SCARB1: variants seen among roughly 807,000 people sequenced by gnomAD.
SCARB1 encodes scavenger receptor class B member 1.
SCARB1 carries 30 observed loss-of-function variants against 57.2 expected under a neutral mutation model. The observed-to-expected ratio is 0.52, with a 90% CI of 0.39 to 0.71. The LOEUF is 0.71. Ranked by LOEUF, SCARB1 falls within the 30% of genes least tolerant of loss-of-function variation. SCARB1 has a pLI of 0.00. For synonymous variants in SCARB1, 249 were observed against 268.3 expected (o/e 0.93, Z 0.70); for missense variants, 543 against 671.2 (o/e 0.81, Z 2.11).
At chr12:124,853,552 G>A (rs1952515211) in intron 1 of SCARB1, among the ~76,000 whole-genome samples, 2 of 151,896 alleles carry the variant, frequency 1.3e-5, no homozygotes, top group East Asian at 1.9e-4. Flanking sequence ...ATGCCACCAC[G>A]CCTGGCTAAT....
At chr12:124,811,766 AAAGG>A (rs1269533569) in intron 5 of SCARB1, 100 bp downstream of exon 5, 2 of 772,708 alleles carry the variant, frequency 2.6e-6, no homozygotes, top group African/African-American at 3.4e-5. Context: ...TCTTCACGAC[AAAGG>A]AAGAAGGAGC....
rs1476085403 is a variant in SCARB1, at chr12:124,777,788, T to A, written c.*799A>T. 6.6e-6 allele frequency: 1 copy of A among 152,332 alleles called. No individual in the cohort carries two copies. The highest frequency in any genetic ancestry group is 1.5e-5 in the Non-Finnish European group (1 of 68,198). 9.4% of individuals were successfully genotyped at this position (152,332 alleles called of 1,614,324 possible). On this transcript the variant is annotated 3_prime_UTR_variant, in exon 13 of 13. Transcript: ENST00000261693. ...GCCTCTTCACCTCAGCCTGGGCACC[T>A]ATAATCTGAGGGACCCTGTGAGGGG...
At chr12:124,799,967 C>T (rs1233905599) in intron 8 of SCARB1, among the ~76,000 whole-genome samples, 157 bp downstream of exon 8, 2 of 152,148 alleles carry the variant, frequency 1.3e-5, no homozygotes, top group South Asian at 2.1e-4. Flanking sequence ...ACTATGGAGT[C>T]GGGGTGAAGT....
Position 124,807,952 on chromosome 12 carries a change from G to A in SCARB1, c.843-25C>T. The A allele has an allele frequency of 1.2e-6, 2 of 1,613,266 alleles. No individual in the cohort carries two copies. Among genetic ancestry groups the A allele is most frequent in the Non-Finnish European group, 1.7e-6 (2 of 1,179,430 alleles). ...TCTGCAGGGGACAGACAGGATGAGA[G>A]GGGACACCCAGACCCGGCGGCCAGA... On this transcript the variant is annotated intron_variant, in intron 6 of 12. Coordinates refer to ENST00000261693, the MANE Select transcript of SCARB1 (RefSeq NM_005505.5). The surrounding 1 kb of genome is among the most constrained non-coding windows in gnomAD (Gnocchi z 5.3).
chr12:124,819,198 A>C (rs1950857784), intron 1 of SCARB1, among the ~76,000 whole-genome samples: 1 of 152,044 alleles, frequency 6.6e-6, no homozygotes, highest in African/African-American at 2.4e-5. Flanking sequence ...CCAAAATCAA[A>C]ACAGAAGGCA....
intron 1 of SCARB1, among the ~76,000 whole-genome samples, chr12:124,820,348 T>C (rs1234481770): frequency 6.6e-6 from 1 of 152,078 alleles, no homozygotes; most frequent in Non-Finnish European, 1.5e-5. Context: ...TGGAGAGAGA[T>C]TCAACCAATA....
intron 9 of SCARB1, among the ~76,000 whole-genome samples, chr12:124,794,773 A>G (rs915376999): frequency 3.4e-4 from 51 of 152,086 alleles, no homozygotes; most frequent in African/African-American, 1.2e-3. Context: ...TCTACTAAAA[A>G]TACCAAATTA....
chr12:124,830,154 A>C (rs890854571), intron 1 of SCARB1, among the ~76,000 whole-genome samples: 5 of 152,238 alleles, frequency 3.3e-5, no homozygotes. Context: ...GTGAGATCCC[A>C]TGCCATACAC....
Position 124,782,824 on chromosome 12 carries a change from C to G in SCARB1, c.1402-13G>C, listed in dbSNP as rs1443206061. On this transcript the variant is annotated splice_polypyrimidine_tract_variant and intron_variant, in intron 11 of 12. Coordinates refer to ENST00000261693, the MANE Select transcript of SCARB1 (RefSeq NM_005505.5). ...AATAGCATTTCTCCTAGAAGATAAC[C>G]AAGCTAATTTATAGTTGACGTTGAA... 1.9e-6 allele frequency: 3 copies of G among 1,613,812 alleles called. No individual in the cohort carries two copies. The highest frequency in any genetic ancestry group is 1.7e-5 in the Admixed American group (1 of 60,000).
At chr12:124,853,143 G>C (rs190276755) in intron 1 of SCARB1, among the ~76,000 whole-genome samples, 1 of 152,278 alleles carries the variant, frequency 6.6e-6, no homozygotes, top group East Asian at 1.9e-4. Context: ...AAACATAAAA[G>C]AGGAACCAAG....
At chr12:124,844,716 G>C (rs1449783276) in intron 1 of SCARB1, among the ~76,000 whole-genome samples, 2 of 152,112 alleles carry the variant, frequency 1.3e-5, no homozygotes, top group Non-Finnish European at 2.9e-5. Context: ...AGCCAGCCCT[G>C]CCAACATCCT....
Position 124,807,742 on chromosome 12 carries a change from C to G in SCARB1, c.1009+19G>C. 1 of 1,613,674 alleles carries G rather than the reference C, an allele frequency of 6.2e-7. No homozygotes were observed. The highest frequency in any genetic ancestry group is 8.5e-7 in the Non-Finnish European group (1 of 1,179,652). ...CCCTCACACCCTCCCGCCATCCCAGCACAGGGGACGGCACGTACTGAACCT... is the reference window on the plus strand; with the variant it reads ...CCCTCACACCCTCCCGCCATCCCAGGACAGGGGACGGCACGTACTGAACCT... On this transcript the variant is annotated intron_variant, in intron 7 of 12. Coordinates refer to ENST00000261693, the MANE Select transcript of SCARB1 (RefSeq NM_005505.5). The surrounding 1 kb of genome is among the most constrained non-coding windows in gnomAD (Gnocchi z 5.3).
chr12:124,779,360 C>T (rs1333043816), intron 12 of SCARB1, among the ~76,000 whole-genome samples: 2 of 152,194 alleles, frequency 1.3e-5, no homozygotes, highest in Non-Finnish European at 2.9e-5. Context: ...GATGCAGCTT[C>T]GGTCACATTC....
chr12:124,782,367 G>T lies in SCARB1; in HGVS notation c.*316C>A, dbSNP rs33990033. On this transcript the variant is annotated intron_variant, in intron 12 of 12. Coordinates refer to ENST00000261693, the MANE Select transcript of SCARB1 (RefSeq NM_005505.5). ...GCATTTCTAGCAGACTTCCCCAGGGGAGTCTATTGCACAAGAGATTCCAGA... is the reference window on the plus strand; with the variant it reads ...GCATTTCTAGCAGACTTCCCCAGGGTAGTCTATTGCACAAGAGATTCCAGA... Among the ~76,000 whole-genome samples, 4,709 of 152,262 alleles carry T rather than the reference G, an allele frequency of 0.031. 544 individuals carry two copies. In the East Asian group the frequency reaches 0.38, roughly 12 times the overall value.
chr12:124,863,548 A>C, intron 1 of SCARB1, 47 bp downstream of exon 1: 2 of 1,578,352 alleles, frequency 1.3e-6, no homozygotes, highest in Non-Finnish European at 1.7e-6. Flanking sequence ...CCCAGCGCCC[A>C]ACAGCCCGGG....
intron 1 of SCARB1, among the ~76,000 whole-genome samples, chr12:124,830,818 T>A (rs966865757): frequency 1.2e-4 from 18 of 152,008 alleles, no homozygotes; most frequent in Non-Finnish European, 2.4e-4. Flanking sequence ...GCAAAAAAAA[T>A]TTTTTCTTTT....
chr12:124,828,846 A>G (rs1308625043), intron 1 of SCARB1, among the ~76,000 whole-genome samples: 2 of 152,088 alleles, frequency 1.3e-5, no homozygotes, highest in Non-Finnish European at 2.9e-5. Flanking sequence ...CAAGAAACAC[A>G]CCTCTGACCA....
At position 124,791,274 on chromosome 12, in the gene SCARB1, G is replaced by A. The variant is rs144682172; in HGVS notation, c.1203-3817C>T. Reference sequence around the variant, plus strand: ...TTTTACCGTAATAAATCATAGCCACGTGTACAACCATATGCTTCGTCCTGA... The same window carrying A: ...TTTTACCGTAATAAATCATAGCCACATGTACAACCATATGCTTCGTCCTGA... On this transcript the variant is annotated intron_variant, in intron 9 of 12. Transcript: ENST00000261693. 5.3e-5 allele frequency among the ~76,000 whole-genome samples: 8 copies of A among 152,248 alleles called. 1 individual carries two copies. The highest frequency in any genetic ancestry group is 1.4e-4 in the African/African-American group (6 of 41,542).
intron 1 of SCARB1, among the ~76,000 whole-genome samples, chr12:124,850,083 A>G (rs1375784993): frequency 8.3e-6 from 1 of 120,756 alleles, no homozygotes; most frequent in East Asian, 2.1e-4. Context: ...AAATAAATAA[A>G]TAATAAAGGG....
Sources: allele counts gnomAD v4.1 joint callset (sites outside exome capture counted in the v4.1 genomes callset), GRCh38; gene constraint gnomAD v4.1.1; non-coding constraint Gnocchi (gnomAD v3.1); transcripts MANE v1.5; gene names NCBI Gene and HGNC (gene_info 2026-07-23, HGNC 2026-07-21).